PHF24: variants seen among roughly 807,000 people sequenced by gnomAD.
The protein encoded by PHF24 is Galpha inhibitory interacting protein.
In PHF24, 25 loss-of-function variants were observed where a neutral mutation model predicts 42.6. That is an observed-to-expected ratio of 0.59 (90% CI 0.43 to 0.82). The LOEUF is 0.82. Ranked by LOEUF, PHF24 falls within the 40% of genes least tolerant of loss-of-function variation. The probability of loss-of-function intolerance (pLI) is 0.00; values close to 1 mark genes in which losing one functional copy is unlikely to be tolerated. For missense variants in PHF24, 470 were observed against 538.1 expected (o/e 0.87, Z 1.25); for synonymous variants, 185 against 204.8 (o/e 0.90, Z 0.83).
At chr9:34,708,324 G>GA in the PHF24 span, among the ~76,000 whole-genome samples, 47 of 150,474 alleles carry the variant, frequency 3.1e-4, no homozygotes, top group Admixed American at 2.8e-3. Flanking sequence ...AAGAAAGGAG[G>GA]AAAAAAAAAG....
the PHF24 span, among the ~76,000 whole-genome samples, chr9:34,936,482 G>T: frequency 6.6e-6 from 1 of 151,732 alleles, no homozygotes; most frequent in Non-Finnish European, 1.5e-5. Flanking sequence ...GCCTCTGCCC[G>T]GCCGCCACCC....
the PHF24 span, among the ~76,000 whole-genome samples, chr9:34,731,435 C>T: frequency 1.3e-3 from 204 of 152,228 alleles, 1 homozygote; most frequent in African/African-American, 4.5e-3. Flanking sequence ...CACCCAAACC[C>T]CCACACCTCA....
chr9:34,966,057 C>T (rs1239439785), intron 1 of PHF24, among the ~76,000 whole-genome samples: 1 of 152,044 alleles, frequency 6.6e-6, no homozygotes, highest in African/African-American at 2.4e-5. Flanking sequence ...TCCGTATAGC[C>T]CTAAGAACAA....
At chr9:34,916,494 A>G in the PHF24 span, among the ~76,000 whole-genome samples, 1 of 152,250 alleles carries the variant, frequency 6.6e-6, no homozygotes, top group Non-Finnish European at 1.5e-5. Flanking sequence ...TGTAGTGAAG[A>G]CAATCATCTT....
At chr9:34,727,981 C>A in the PHF24 span, 1 of 1,538,430 alleles carries the variant, frequency 6.5e-7, no homozygotes, top group Non-Finnish European at 8.8e-7. Flanking sequence ...TCATCATAGG[C>A]CAGGCTGGTT....
intron 4 of PHF24, 151 bp downstream of exon 4, chr9:34,976,381 C>A: frequency 1.0e-6 from 1 of 982,234 alleles, no homozygotes; most frequent in Non-Finnish European, 1.6e-6. Context: ...GCAGAGTCAC[C>A]TATCCCTGTC....
the PHF24 span, among the ~76,000 whole-genome samples, chr9:34,692,747 G>A: frequency 1.3e-5 from 2 of 151,092 alleles, no homozygotes; most frequent in African/African-American, 2.4e-5. Context: ...AGAGGCTGAC[G>A]CACAATAAGC....
chr9:34,882,818 C>T, the PHF24 span, among the ~76,000 whole-genome samples: 1 of 152,134 alleles, frequency 6.6e-6, no homozygotes, highest in African/African-American at 2.4e-5. Flanking sequence ...AATGCCATCC[C>T]CATCAAGCTA....
At chr9:34,843,595 G>A in the PHF24 span, among the ~76,000 whole-genome samples, 3 of 152,146 alleles carry the variant, frequency 2.0e-5, no homozygotes, top group South Asian at 2.1e-4. Flanking sequence ...TTCAATTTCT[G>A]TAGTGGGATT....
At chr9:34,912,048 G>A in the PHF24 span, among the ~76,000 whole-genome samples, 50 of 152,194 alleles carry the variant, frequency 3.3e-4, 1 homozygote, top group Non-Finnish European at 6.5e-4. Context: ...AAGCTAGAGA[G>A]TGTAGAGAGA....
At chr9:34,738,559 G>A in the PHF24 span, among the ~76,000 whole-genome samples, 4 of 151,894 alleles carry the variant, frequency 2.6e-5, no homozygotes, top group East Asian at 7.7e-4. Context: ...TGTTAGCCAG[G>A]ATGGTCTTGA....
chr9:34,775,467 A>G, the PHF24 span, among the ~76,000 whole-genome samples: 1 of 152,164 alleles, frequency 6.6e-6, no homozygotes, highest in Non-Finnish European at 1.5e-5. Context: ...GATGGTGGTG[A>G]TGGTTGTACA....
At chr9:34,890,318 C>G in the PHF24 span, among the ~76,000 whole-genome samples, 3 of 152,192 alleles carry the variant, frequency 2.0e-5, no homozygotes, top group Non-Finnish European at 4.4e-5. Flanking sequence ...TCAAATGTCA[C>G]TGGGTCAACT....
At chr9:34,723,688 T>G in the PHF24 span, 189 of 1,551,534 alleles carry the variant, frequency 1.2e-4, no homozygotes, top group Admixed American at 1.4e-4. Flanking sequence ...CTTGCAAAGT[T>G]TGGCCCTGCA....
the PHF24 span, chr9:34,728,771 T>TTA: frequency 2.2e-6 from 2 of 928,044 alleles, no homozygotes; most frequent in African/African-American, 3.3e-5. Context: ...TATCTGTATT[T>TTA]TATACACTCT....
In PHF24 at chr9:34,958,655, A is replaced by G. The variant is rs1211207572; in HGVS notation, c.-5+254A>G. 6.6e-6 allele frequency among the ~76,000 whole-genome samples: 1 copy of G among 152,090 alleles called. No individual in the cohort carries two copies. Among genetic ancestry groups the G allele is most frequent in the Non-Finnish European group, 1.5e-5 (1 of 67,988 alleles). On this transcript the variant is annotated intron_variant, in intron 1 of 7. Coordinates refer to ENST00000242315, the Ensembl canonical transcript of PHF24. This position sits in a 1 kb window ranked among gnomAD's most constrained non-coding sequence, Gnocchi z 4.5. Reference sequence around the variant, plus strand: ...CGCGGCGCTGTCTGCATTTGCTGCCATAGGGAGCCCCAGCGTGGAGGGGAC... The same window carrying G: ...CGCGGCGCTGTCTGCATTTGCTGCCGTAGGGAGCCCCAGCGTGGAGGGGAC...
chr9:34,850,969 A>C, the PHF24 span, among the ~76,000 whole-genome samples: 1 of 152,148 alleles, frequency 6.6e-6, no homozygotes, highest in Non-Finnish European at 1.5e-5. Flanking sequence ...GTTTTGTCTC[A>C]GAGGAGTACC....
chr9:34,707,168 G>A, the PHF24 span, among the ~76,000 whole-genome samples: 6 of 152,100 alleles, frequency 3.9e-5, no homozygotes, highest in Admixed American at 6.5e-5. Context: ...AGATGGCTTC[G>A]GGGGTATCTG....
chr9:34,909,250 C>T, the PHF24 span, among the ~76,000 whole-genome samples: 76 of 152,132 alleles, frequency 5.0e-4, no homozygotes, highest in Non-Finnish European at 9.6e-4. Flanking sequence ...AAGAGCACAC[C>T]GCTATACCTG....
Sources: allele counts gnomAD v4.1 joint callset (sites outside exome capture counted in the v4.1 genomes callset), GRCh38; gene constraint gnomAD v4.1.1; non-coding constraint Gnocchi (gnomAD v3.1); transcripts MANE v1.5; gene names NCBI Gene and HGNC (gene_info 2026-07-23, HGNC 2026-07-21).